Variants in TSPEAR observed in about 807,000 individuals in gnomAD.
TSPEAR encodes thrombospondin-type laminin G domain and EAR repeat-containing protein.
A neutral mutation model predicts 71.6 loss-of-function variants in TSPEAR; 69 were observed. The ratio of observed to expected loss-of-function variants is 0.96; its 90% confidence interval spans 0.79 to 1.18. TSPEAR has a LOEUF of 1.18. TSPEAR is among the 50% of genes most tolerant of loss of function. The pLI is 0.00. For missense variants in TSPEAR, 971 were observed against 894.9 expected (o/e 1.09, Z -1.09); for synonymous variants, 402 against 387.2 (o/e 1.04, Z -0.45).
chr21:44,691,434 G>A (rs1417456108), intron 1 of TSPEAR, among the ~76,000 whole-genome samples: 4 of 152,110 alleles, frequency 2.6e-5, no homozygotes, highest in African/African-American at 7.2e-5. Flanking sequence ...AGAACTGAGA[G>A]ACAGAACATC....
Position 44,529,880 on chromosome 21 carries a change from C to T in TSPEAR, c.708G>A (p.Pro236=), listed in dbSNP as rs1485643252. 4 of 1,613,464 alleles carry T rather than the reference C, an allele frequency of 2.5e-6. No homozygotes were observed. Among genetic ancestry groups the T allele is most frequent in the East Asian group, 2.2e-5 (1 of 44,884 alleles). The part of the protein sequence containing the change: ...TPRLCPSRNA[P]LAVLSIPRVL... ...CCCGTGGGATGGACAGCACCGCCAG[C>T]GGGGCGTTCCTGCTGGGACACAGCC... Residue 236 remains proline (P), a synonymous_variant, in exon 5 of 12, where the codon CCG becomes CCA. Coordinates refer to ENST00000323084, the MANE Select transcript of TSPEAR (RefSeq NM_144991.3).
chr21:44,511,693 C>T (rs2052384413), intron 9 of TSPEAR, among the ~76,000 whole-genome samples: 2 of 152,262 alleles, frequency 1.3e-5, no homozygotes, highest in South Asian at 4.1e-4. Context: ...GGCGTCCTTC[C>T]AGTGGAGCCC....
intron 11 of TSPEAR, among the ~76,000 whole-genome samples, chr21:44,501,747 AGAGT>A (rs2052035319): frequency 6.6e-6 from 1 of 152,346 alleles, no homozygotes; most frequent in Admixed American, 6.5e-5. Context: ...CCTGGGCTAC[AGAGT>A]GAGACCCTGT....
At chr21:44,626,132 C>G (rs764551379) in intron 1 of TSPEAR, among the ~76,000 whole-genome samples, 1 of 152,204 alleles carries the variant, frequency 6.6e-6, no homozygotes, top group Admixed American at 6.5e-5. Flanking sequence ...ATACGTCTTA[C>G]TTTATAATGA....
intron 1 of TSPEAR, among the ~76,000 whole-genome samples, chr21:44,704,877 C>T (rs560654103): frequency 1.3e-5 from 2 of 152,124 alleles, no homozygotes; most frequent in Non-Finnish European, 2.9e-5. Flanking sequence ...CAGCTGCCTC[C>T]GGGAGCGCAG....
intron 2 of TSPEAR, among the ~76,000 whole-genome samples, chr21:44,565,454 C>T (rs233324): frequency 0.41 from 61,988 of 151,890 alleles, 14,392 homozygotes; most frequent in Non-Finnish European, 0.53. Context: ...ATGATATGAA[C>T]GCAAAATACT....
chr21:44,692,886 A>G (rs1987178783), intron 1 of TSPEAR, among the ~76,000 whole-genome samples: 1 of 152,144 alleles, frequency 6.6e-6, no homozygotes, highest in Non-Finnish European at 1.5e-5. Context: ...GATTATAGGA[A>G]CTCAGAATAG....
At chr21:44,634,497 A>G (rs1983432155) in intron 1 of TSPEAR, among the ~76,000 whole-genome samples, 1 of 152,228 alleles carries the variant, frequency 6.6e-6, no homozygotes, top group African/African-American at 2.4e-5. Context: ...GATGTCATCA[A>G]AATTAAAAAG....
At chr21:44,606,163 C>CA (rs61407657) in intron 1 of TSPEAR, among the ~76,000 whole-genome samples, 3,868 of 70,820 alleles carry the variant, frequency 0.055, 87 homozygotes, top group East Asian at 0.08. Context: ...GACCCTGGCT[C>CA]AAAAAAAAAA....
intron 1 of TSPEAR, chr21:44,580,130 G>T (rs782147755): frequency 6.2e-7 from 1 of 1,613,684 alleles, no homozygotes; most frequent in Non-Finnish European, 8.5e-7. Flanking sequence ...GCAGCATGAA[G>T]AGGAATCCTC....
At chr21:44,620,690 T>C (rs1720330807) in intron 1 of TSPEAR, among the ~76,000 whole-genome samples, 1 of 152,244 alleles carries the variant, frequency 6.6e-6, no homozygotes, top group Non-Finnish European at 1.5e-5. Context: ...CTTTATTTTC[T>C]ACCTTCTGCT....
intron 1 of TSPEAR, chr21:44,574,458 T>C (rs78156555): frequency 1.9e-6 from 3 of 1,602,546 alleles, no homozygotes; most frequent in Non-Finnish European, 2.6e-6. Flanking sequence ...GCCCGTCTGC[T>C]GCAAGACTGT....
chr21:44,624,026 A>G (rs1474677528), intron 1 of TSPEAR, among the ~76,000 whole-genome samples: 1 of 152,160 alleles, frequency 6.6e-6, no homozygotes, highest in African/African-American at 2.4e-5. Flanking sequence ...TCCTCCTATG[A>G]TTTCAACCAT....
At position 44,502,751 on chromosome 21, in the gene TSPEAR, C is replaced by A. The variant is rs374132016; in HGVS notation, c.1856+2029G>T. Among the ~76,000 whole-genome samples, 241 of 152,380 alleles carry A rather than the reference C, an allele frequency of 1.6e-3. 1 individual carries two copies. The highest frequency in any genetic ancestry group is 0.012 in the South Asian group (58 of 4,834). ...GGCCCAGCCAATCTCGGAAATGACA[C>A]CTGACTTGGGACTCGCTGTGAGCCG... On this transcript the variant is annotated intron_variant, in intron 11 of 11. Transcript: ENST00000323084.
chr21:44,536,777 A>C (rs1438267137), intron 2 of TSPEAR, among the ~76,000 whole-genome samples: 2 of 152,226 alleles, frequency 1.3e-5, no homozygotes, highest in South Asian at 2.1e-4. Context: ...GCTCATCTAC[A>C]TAGAAAAATC....
chr21:44,638,263 C>G, intron 1 of TSPEAR: 1 of 1,508,016 alleles, frequency 6.6e-7, no homozygotes, highest in Non-Finnish European at 8.9e-7. Context: ...CTTTGACACC[C>G]TCAGAAGGTG....
At chr21:44,671,709 T>TA (rs1432908161) in intron 1 of TSPEAR, among the ~76,000 whole-genome samples, 1 of 152,070 alleles carries the variant, frequency 6.6e-6, no homozygotes, top group Non-Finnish European at 1.5e-5. Flanking sequence ...AGTCTTCTCA[T>TA]AAAAAAGCCA....
In TSPEAR at chr21:44,504,883, T is replaced by G; in HGVS notation, c.1755-2A>C. The G allele has an allele frequency of 6.2e-7, 1 of 1,609,934 alleles. No individual in the cohort carries two copies. The highest frequency in any genetic ancestry group is 8.5e-7 in the Non-Finnish European group (1 of 1,177,816). ...GAGAAAAACTCCCAGTCCAGAGCAC[T>G]GCAGGAACAAGTGGGTGGATATTAG... On this transcript the variant is annotated splice_acceptor_variant, in intron 10 of 11. Transcript: ENST00000323084. LOFTEE classifies it high-confidence loss of function.
At chr21:44,577,086 TAAAATG>T (rs1978507661) in intron 1 of TSPEAR, among the ~76,000 whole-genome samples, 1 of 152,174 alleles carries the variant, frequency 6.6e-6, no homozygotes. Context: ...ATATCTGGAA[TAAAATG>T]AAAATGAAAT....
Sources: allele counts gnomAD v4.1 joint callset (sites outside exome capture counted in the v4.1 genomes callset), GRCh38; gene constraint gnomAD v4.1.1; transcripts MANE v1.5; gene names NCBI Gene and HGNC (gene_info 2026-07-23, HGNC 2026-07-21).